The following RPL14 variants were observed in gnomAD, a reference collection of about 807,000 sequenced individuals.
The protein encoded by RPL14 is ribosomal protein L14.
A neutral mutation model predicts 25.3 loss-of-function variants in RPL14; 4 were observed. That is an observed-to-expected ratio of 0.16 (90% confidence interval 0.08 to 0.36). The LOEUF is 0.36. RPL14 is among the 10% of genes least tolerant of loss of function. The pLI, the probability that RPL14 is intolerant of heterozygous loss-of-function variation, is 1.00. For synonymous variants in RPL14, 75 were observed against 89.8 expected (o/e 0.84, Z 0.93); for missense variants, 212 against 261.9 (o/e 0.81, Z 1.31).
chr3:40,462,459 T>C lies in RPL14; in HGVS notation c.*227T>C, dbSNP rs1696958084. ...TGGCGCTATCTCGGCTCACTGTAAG[T>C]TCCACCTCCCGGGTTCATGCCATTC... is the stretch of plus-strand genomic sequence containing the variant. On this transcript the variant is annotated 3_prime_UTR_variant, in exon 6 of 6. Transcript: ENST00000396203. The C allele has an allele frequency of 4.8e-6, 2 of 420,152 alleles. No homozygotes were observed. Among genetic ancestry groups the C allele is most frequent in the South Asian group, 3.7e-5 (1 of 27,298 alleles). 26.0% of individuals were successfully genotyped at this position (420,152 alleles called of 1,614,324 possible). A position where few individuals can be genotyped will look rare whatever the true frequency, so the allele number is the denominator to read the frequency against.
At chr3:40,458,823 AT>A in intron 3 of RPL14, 87 bp downstream of exon 3, 1 of 964,678 alleles carries the variant, frequency 1.0e-6, no homozygotes, top group South Asian at 1.4e-5. Flanking sequence ...AATACGGAAG[AT>A]TCAGAGCCAT....
In RPL14 at chr3:40,468,370, T is replaced by C. The variant is rs982860904; in HGVS notation, c.*6138T>C. 4.6e-5 allele frequency: 7 copies of C among 152,244 alleles called. No homozygotes were observed. Among genetic ancestry groups the C allele is most frequent in the Non-Finnish European group, 1.0e-4 (7 of 68,036 alleles). 9.4% of individuals were successfully genotyped at this position (152,244 alleles called of 1,614,324 possible). A position where few individuals can be genotyped will look rare whatever the true frequency, so the allele number is the denominator to read the frequency against. On this transcript the variant is annotated 3_prime_UTR_variant, in exon 6 of 6. Transcript: ENST00000396203. ...TTCCTGCCTGGCAGTCTTGAACTCC[T>C]GCTATTATCTCTTAAATTTTTGCCA...
At position 40,459,146 on chromosome 3, in the gene RPL14, T is replaced by C. The variant is rs146343655; in HGVS notation, c.200+410T>C. 69 of 174,272 alleles carry C rather than the reference T, an allele frequency of 4.0e-4. 1 individual carries two copies. The highest frequency in any genetic ancestry group is 5.6e-3 in the Middle Eastern group (2 of 356). 10.8% of individuals were successfully genotyped at this position (174,272 alleles called of 1,614,324 possible). On this transcript the variant is annotated intron_variant, in intron 3 of 5. Coordinates refer to ENST00000396203, the MANE Select transcript of RPL14 (RefSeq NM_001034996.3). ...CTGCAGAGAGCCGTGATCATGCCAC[T>C]GCACTCCAGCCTGGATGACAGAGTG...
intron 3 of RPL14, among the ~76,000 whole-genome samples, chr3:40,459,637 C>T (rs1224164663): frequency 6.6e-6 from 1 of 151,906 alleles, no homozygotes; most frequent in Non-Finnish European, 1.5e-5. Context: ...GGGTGGATCA[C>T]GAGGTCAGGA....
chr3:40,457,413 C>T lies in RPL14; in HGVS notation c.-59C>T, dbSNP rs113002548. ...GGGGCCGTCGACCATGCCGCTCGAC[C>T]TCCACCTCCGCTGGGAAGCTGAGGC... is the stretch of plus-strand genomic sequence containing the variant. On this transcript the variant is annotated 5_prime_UTR_variant, in exon 1 of 6. Transcript: ENST00000396203. The T allele has an allele frequency of 0.015, 23,112 of 1,593,680 alleles. 246 individuals carry two copies. Among genetic ancestry groups the T allele is most frequent in the Non-Finnish European group, 0.017 (19,846 of 1,169,550 alleles).
rs1696858405 is a variant in RPL14 at position 40,457,432 on chromosome 3, C to T, written c.-40C>T. The T allele has an allele frequency of 6.3e-7, 1 of 1,585,598 alleles. No individual in the cohort carries two copies. Among genetic ancestry groups the T allele is most frequent in the East Asian group, 2.3e-5 (1 of 42,756 alleles). Reference sequence around the variant, plus strand: ...CTCGACCTCCACCTCCGCTGGGAAGCTGAGGCGCCAAACGGCTCCCAGAGG... The same window carrying T: ...CTCGACCTCCACCTCCGCTGGGAAGTTGAGGCGCCAAACGGCTCCCAGAGG... On this transcript the variant is annotated 5_prime_UTR_variant, in exon 1 of 6. Transcript: ENST00000396203.
intron 1 of RPL14, 92 bp downstream of exon 1, chr3:40,457,566 C>A: frequency 9.0e-7 from 1 of 1,110,452 alleles, no homozygotes; most frequent in Non-Finnish European, 1.3e-6. Flanking sequence ...GCGTGGAGGG[C>A]CCGGCAGGCC....
chr3:40,458,121 A>G, intron 2 of RPL14, 130 bp downstream of exon 2: 2 of 750,912 alleles, frequency 2.7e-6, no homozygotes, highest in Non-Finnish European at 4.6e-6. Context: ...CATTGAGGAA[A>G]CAGGTAATGG....
At chr3:40,459,153 C>T in intron 3 of RPL14, 1 of 164,510 alleles carries the variant, frequency 6.1e-6, no homozygotes, top group South Asian at 1.4e-4. Flanking sequence ...CACTGCACTC[C>T]AGCCTGGATG....
intron 2 of RPL14, 164 bp from the exon 3 acceptor site, chr3:40,458,478 A>G (rs1015295623): frequency 2.1e-5 from 13 of 611,448 alleles, no homozygotes; most frequent in African/African-American, 1.3e-4. Context: ...AAAGACATAC[A>G]TATATATAAC....
intron 3 of RPL14, chr3:40,458,975 G>A (rs1228605298): frequency 9.1e-6 from 4 of 441,512 alleles, no homozygotes; most frequent in African/African-American, 4.0e-5. Flanking sequence ...CAAGTTTCAA[G>A]ACCAGCATGG....
In RPL14 at chr3:40,462,211, G is replaced by A; in HGVS notation, c.627G>A (p.Lys209=). 2.5e-6 allele frequency: 4 copies of A among 1,591,576 alleles called. No homozygotes were observed. Among genetic ancestry groups the A allele is most frequent in the Non-Finnish European group, 3.4e-6 (4 of 1,173,908 alleles). ...CAGCCCAGAAAGCACCTGCTCCAAA[G>A]GCATCTGGCAAGAAAGCATAAGTGG... ...KAPAQKAPAP[K]ASGKKA Residue 209 remains lysine, a synonymous_variant, in exon 6 of 6, where the codon AAG becomes AAA. Coordinates refer to ENST00000396203, the MANE Select transcript of RPL14 (RefSeq NM_001034996.3).
intron 3 of RPL14, among the ~76,000 whole-genome samples, chr3:40,460,603 G>GT (rs998815132): frequency 1.9e-4 from 22 of 118,916 alleles, no homozygotes; most frequent in East Asian, 2.3e-4. Flanking sequence ...GGTTTTTTGT[G>GT]TTTTTTTTGA....
In RPL14 at chr3:40,463,127, G is replaced by T. The variant is rs1696974344; in HGVS notation, c.*895G>T. ...GGGTTTCACTATGTTGGCCAGGCTG[G>T]TTTTGAACTCCTGACCTCGTGATCC... On this transcript the variant is annotated 3_prime_UTR_variant, in exon 6 of 6. Coordinates refer to ENST00000396203, the MANE Select transcript of RPL14 (RefSeq NM_001034996.3). 1 of 152,108 alleles carries T rather than the reference G, an allele frequency of 6.6e-6. No individual in the cohort carries two copies. The highest frequency in any genetic ancestry group is 1.5e-5 in the Non-Finnish European group (1 of 68,048). 9.4% of individuals were successfully genotyped at this position (152,108 alleles called of 1,614,324 possible).
rs913904742 is a variant in RPL14 at position 40,462,477 on chromosome 3, T to G, written c.*245T>G. ...CTGTAAGTTCCACCTCCCGGGTTCA[T>G]GCCATTCTCCTGCCTCAGCCTCCTG... On this transcript the variant is annotated 3_prime_UTR_variant, in exon 6 of 6. Coordinates refer to ENST00000396203, the MANE Select transcript of RPL14 (RefSeq NM_001034996.3). 2.0e-4 allele frequency: 73 copies of G among 360,584 alleles called. No homozygotes were observed. The highest frequency in any genetic ancestry group is 3.4e-4 in the Non-Finnish European group (69 of 205,408). 22.3% of individuals were successfully genotyped at this position (360,584 alleles called of 1,614,324 possible).
chr3:40,467,333 A>G lies in RPL14; in HGVS notation c.*5101A>G, dbSNP rs1697042272. 6.6e-6 allele frequency: 1 copy of G among 152,192 alleles called. No homozygotes were observed. Among genetic ancestry groups the G allele is most frequent in the South Asian group, 2.1e-4 (1 of 4,834 alleles). 9.4% of individuals were successfully genotyped at this position (152,192 alleles called of 1,614,324 possible). On this transcript the variant is annotated 3_prime_UTR_variant, in exon 6 of 6. Coordinates refer to ENST00000396203, the MANE Select transcript of RPL14 (RefSeq NM_001034996.3). ...GCAAGCTGGAGAACCAGGAAAGCTG[A>G]TTGGGATAATTCAAACTGGGTCCAG...
chr3:40,457,470 G>A lies in RPL14; in HGVS notation c.-2G>A. The A allele has an allele frequency of 6.4e-7, 1 of 1,563,108 alleles. No homozygotes were observed. On this transcript the variant is annotated 5_prime_UTR_variant, in exon 1 of 6. Transcript: ENST00000396203. Reference sequence around the variant, plus strand: ...CGGCTCCCAGAGGGTCCCGGGAAGCGCATGGTGAGGGTCCCCGGGCCGGCT... The same window carrying A: ...CGGCTCCCAGAGGGTCCCGGGAAGCACATGGTGAGGGTCCCCGGGCCGGCT...
rs1187205043 is a variant in RPL14 at position 40,463,602 on chromosome 3, AACTGAGCTATG to A, written c.*1373_*1383del. ...TAATCCAAAAAGCTCTAACCTCTGA[AACTGAGCTATG>A]ACACTACAATTTAAAAATCCCTAGC... is the stretch of plus-strand genomic sequence containing the variant. On this transcript the variant is annotated 3_prime_UTR_variant, in exon 6 of 6. Transcript: ENST00000396203. 6.6e-6 allele frequency: 1 copy of A among 152,230 alleles called. No homozygotes were observed. The highest frequency in any genetic ancestry group is 1.9e-4 in the East Asian group (1 of 5,202). 9.4% of individuals were successfully genotyped at this position (152,230 alleles called of 1,614,324 possible). A position where few individuals can be genotyped will look rare whatever the true frequency, so the allele number is the denominator to read the frequency against.
Position 40,462,112 on chromosome 3 carries a change from G to A in RPL14, c.528G>A (p.Gln176=), listed in dbSNP as rs1471173790. The change falls in exon 6 of 6, where the codon CAG becomes CAA. Residue 176 remains glutamine (Q), a synonymous_variant. Coordinates refer to ENST00000396203, the MANE Select transcript of RPL14 (RefSeq NM_001034996.3). The stretch of plus-strand genomic sequence containing the variant: ...CCGCGAGTAAAAAGGCTCCAGCCCA[G>A]AAGGTTCCTGCCCAGAAAGCCACAG... The part of the protein sequence containing the change: ...ITAASKKAPA[Q]KVPAQKATGQ... 4.3e-6 allele frequency: 7 copies of A among 1,611,660 alleles called. No homozygotes were observed. The highest frequency in any genetic ancestry group is 3.4e-5 in the Admixed American group (2 of 59,588).
Sources: gnomAD v4.1 joint callset for allele counts (sites outside exome capture counted in the v4.1 genomes callset) on GRCh38, gnomAD v4.1.1 for gene constraint, MANE v1.5 for transcripts, NCBI Gene and HGNC (gene_info 2026-07-23, HGNC 2026-07-21) for gene names.